Variants in RBP7 observed in about 807,000 individuals in gnomAD.
The protein encoded by RBP7 is retinoid-binding protein 7.
In RBP7, 13 loss-of-function variants were observed where a neutral mutation model predicts 16.7. The observed-to-expected ratio is 0.78, with a 90% CI of 0.51 to 1.24. The LOEUF (loss-of-function observed/expected upper bound fraction) is 1.24, where lower values mean the gene tolerates loss of function less well. RBP7 is among the 50% of genes most tolerant of loss of function. RBP7 has a pLI of 0.00. For synonymous variants in RBP7, 54 were observed against 56.2 expected (o/e 0.96, Z 0.17); for missense variants, 145 against 159.5 (o/e 0.91, Z 0.49).
At chr1:10,007,481 T>C in intron 1 of RBP7, 89 bp from the exon 2 acceptor site, 3 of 930,878 alleles carry the variant, frequency 3.2e-6, no homozygotes, top group Non-Finnish European at 4.8e-6. Context: ...TGCTAACAAT[T>C]ACATGTGGTG....
At chr1:10,009,002 A>G (rs1642530221) in intron 3 of RBP7, among the ~76,000 whole-genome samples, 1 of 152,146 alleles carries the variant, frequency 6.6e-6, no homozygotes, top group Non-Finnish European at 1.5e-5. Context: ...TGAGTGCATT[A>G]TCTCATCTAA....
chr1:10,005,599 T>C (rs1483764589), intron 1 of RBP7, among the ~76,000 whole-genome samples: 1 of 151,324 alleles, frequency 6.6e-6, no homozygotes, highest in Non-Finnish European at 1.5e-5. Flanking sequence ...AGTCTTGCTC[T>C]GTTGCCCAGG....
At chr1:10,015,585 G>A (rs577271175) in intron 3 of RBP7, among the ~76,000 whole-genome samples, 197 bp from the exon 4 acceptor site, 2 of 151,986 alleles carry the variant, frequency 1.3e-5, no homozygotes, top group Admixed American at 1.3e-4. Flanking sequence ...GATCGCTTGA[G>A]CCTGGGAGGC....
Position 9,997,408 on chromosome 1 carries a change from C to A in RBP7, c.73+77C>A. 1 of 1,395,606 alleles carries A rather than the reference C, an allele frequency of 7.2e-7. No homozygotes were observed. The highest frequency in any genetic ancestry group is 1.0e-6 in the Non-Finnish European group (1 of 991,566). The allele number at this position is 1,395,606 out of a possible 1,614,324, so 86.5% of individuals were successfully genotyped here. A position where few individuals can be genotyped will look rare whatever the true frequency, so the allele number is the denominator to read the frequency against. On this transcript the variant is annotated intron_variant, in intron 1 of 3. Transcript: ENST00000294435. This position sits in a 1 kb window ranked among gnomAD's most constrained non-coding sequence, Gnocchi z 5.9. The stretch of plus-strand genomic sequence containing the variant: ...ATCAGGCGAAGGCGGCCGGGCCGGG[C>A]CTGTAGGTACGTCCTCTGTCCGTGC...
intron 3 of RBP7, among the ~76,000 whole-genome samples, chr1:10,014,233 C>T (rs1394221907): frequency 6.6e-6 from 1 of 151,986 alleles, no homozygotes; most frequent in Non-Finnish European, 1.5e-5. Context: ...AAAAACTAAA[C>T]CACGGGGTTT....
At chr1:10,005,189 T>G (rs570451151) in intron 1 of RBP7, among the ~76,000 whole-genome samples, 2 of 151,878 alleles carry the variant, frequency 1.3e-5, no homozygotes, top group African/African-American at 4.8e-5. Flanking sequence ...TGCCCAGCTG[T>G]TTTTTTGAGA....
intron 1 of RBP7, among the ~76,000 whole-genome samples, chr1:10,004,650 G>A (rs558347076): frequency 2.0e-5 from 3 of 152,290 alleles, no homozygotes; most frequent in African/African-American, 4.8e-5. Context: ...ATGAGCAACC[G>A]TGCCCGGCGC....
chr1:10,015,853 C>G lies in RBP7; in HGVS notation c.*21C>G. On this transcript the variant is annotated 3_prime_UTR_variant, in exon 4 of 4. Coordinates refer to ENST00000294435, the MANE Select transcript of RBP7 (RefSeq NM_052960.3). ...CCTGATCCACATCCAGCAGCAGAGCCCACTTGTGGCTGCAGCTTTATGCCA... is the reference window on the plus strand; with the variant it reads ...CCTGATCCACATCCAGCAGCAGAGCGCACTTGTGGCTGCAGCTTTATGCCA... 6.2e-7 allele frequency: 1 copy of G among 1,611,922 alleles called. No homozygotes were observed. Among genetic ancestry groups the G allele is most frequent in the East Asian group, 2.2e-5 (1 of 44,872 alleles).
chr1:10,013,572 G>A (rs1221180808), intron 3 of RBP7, among the ~76,000 whole-genome samples: 1 of 152,006 alleles, frequency 6.6e-6, no homozygotes, highest in Non-Finnish European at 1.5e-5. Context: ...ATTTTGGAAG[G>A]TCGGGGCAGG....
chr1:10,011,597 CTG>C (rs1485831867), intron 3 of RBP7, among the ~76,000 whole-genome samples: 2 of 152,282 alleles, frequency 1.3e-5, no homozygotes, highest in East Asian at 3.9e-4. Flanking sequence ...GCTCTCAGCT[CTG>C]TGCTTTTTTG....
At chr1:10,011,977 G>A (rs933588455) in intron 3 of RBP7, among the ~76,000 whole-genome samples, 5 of 151,992 alleles carry the variant, frequency 3.3e-5, no homozygotes, top group Non-Finnish European at 7.4e-5. Flanking sequence ...CAAGGTGGGT[G>A]GATCACTTGA....
At position 9,997,763 on chromosome 1, in the gene RBP7, C is replaced by T. The variant is rs965155365; in HGVS notation, c.73+432C>T. ...GGCGCCCGGGACCGAAGCCTCTGCC[C>T]GGCCACCCTCCCCGCAGCCGCCTTC... On this transcript the variant is annotated intron_variant, in intron 1 of 3. Transcript: ENST00000294435. The surrounding 1 kb of genome is among the most constrained non-coding windows in gnomAD (Gnocchi z 5.9). Among the ~76,000 whole-genome samples, 1 of 151,940 alleles carries T rather than the reference C, an allele frequency of 6.6e-6. No individual in the cohort carries two copies. The highest frequency in any genetic ancestry group is 2.4e-5 in the African/African-American group (1 of 41,430).
chr1:9,998,041 A>G (rs1642203711), intron 1 of RBP7, among the ~76,000 whole-genome samples: 1 of 152,144 alleles, frequency 6.6e-6, no homozygotes, highest in African/African-American at 2.4e-5. Flanking sequence ...CGCGGTGCCA[A>G]CGGTGCGCGG....
At chr1:10,008,055 A>G (rs997268063) in intron 2 of RBP7, 118 bp from the exon 3 acceptor site, 5 of 345,642 alleles carry the variant, frequency 1.4e-5, no homozygotes, top group African/African-American at 1.4e-4. Context: ...CTCCATCTCA[A>G]AAAAAAAAAA....
At chr1:10,001,026 G>A (rs1297279350) in intron 1 of RBP7, among the ~76,000 whole-genome samples, 1 of 152,168 alleles carries the variant, frequency 6.6e-6, no homozygotes, top group Non-Finnish European at 1.5e-5. Flanking sequence ...GAGCTACCGT[G>A]CCTGGCTGAT....
Position 9,997,420 on chromosome 1 carries a change from T to G in RBP7, c.73+89T>G. Reference sequence around the variant, plus strand: ...CGGCCGGGCCGGGCCTGTAGGTACGTCCTCTGTCCGTGCCTCCGCCCTGCT... The same window carrying G: ...CGGCCGGGCCGGGCCTGTAGGTACGGCCTCTGTCCGTGCCTCCGCCCTGCT... On this transcript the variant is annotated intron_variant, in intron 1 of 3. Coordinates refer to ENST00000294435, the MANE Select transcript of RBP7 (RefSeq NM_052960.3). The surrounding 1 kb of genome is among the most constrained non-coding windows in gnomAD (Gnocchi z 5.9). 3 of 1,292,386 alleles carry G rather than the reference T, an allele frequency of 2.3e-6. No individual in the cohort carries two copies. The highest frequency in any genetic ancestry group is 2.2e-6 in the Non-Finnish European group (2 of 904,482). 80.1% of individuals were successfully genotyped at this position (1,292,386 alleles called of 1,614,324 possible). A position where few individuals can be genotyped will look rare whatever the true frequency, so the allele number is the denominator to read the frequency against.
At chr1:10,015,105 TCGGA>T (rs1642741187) in intron 3 of RBP7, among the ~76,000 whole-genome samples, 1 of 152,012 alleles carries the variant, frequency 6.6e-6, no homozygotes, top group Non-Finnish European at 1.5e-5. Context: ...CCTAGCACTT[TCGGA>T]GGGCAAGGCA....
rs552113123 is a variant in RBP7 at position 10,011,855 on chromosome 1, G to A, written c.354+3581G>A. 4.3e-4 allele frequency among the ~76,000 whole-genome samples: 66 copies of A among 152,176 alleles called. 1 individual carries two copies. The highest frequency in any genetic ancestry group is 8.3e-4 in the South Asian group (4 of 4,822). On this transcript the variant is annotated intron_variant, in intron 3 of 3. Coordinates refer to ENST00000294435, the MANE Select transcript of RBP7 (RefSeq NM_052960.3). ...GCGGATCACCTGAGGTCAGGAGTTCGAGACCAGCCTGGCCAACATGATGAA... is the reference window on the plus strand; with the variant it reads ...GCGGATCACCTGAGGTCAGGAGTTCAAGACCAGCCTGGCCAACATGATGAA...
chr1:10,003,350 C>T lies in RBP7; in HGVS notation c.74-4220C>T, dbSNP rs3003379. 9.0e-3 allele frequency among the ~76,000 whole-genome samples: 1,374 copies of T among 152,186 alleles called. 16 individuals carry two copies. The highest frequency in any genetic ancestry group is 0.03 in the African/African-American group (1,266 of 41,522). On this transcript the variant is annotated intron_variant, in intron 1 of 3. Transcript: ENST00000294435. ...CTGAGGCAGGAGAATCATTTGAATCCGGAGGCAGAGGTTGCAGTGAGCCAA... is the reference window on the plus strand; with the variant it reads ...CTGAGGCAGGAGAATCATTTGAATCTGGAGGCAGAGGTTGCAGTGAGCCAA...
Sources: gnomAD v4.1 joint callset for allele counts (sites outside exome capture counted in the v4.1 genomes callset) on GRCh38, gnomAD v4.1.1 for gene constraint, Gnocchi (gnomAD v3.1) non-coding constraint, MANE v1.5 for transcripts, NCBI Gene and HGNC (gene_info 2026-07-23, HGNC 2026-07-21) for gene names.